Variants in PHF20 observed in about 807,000 individuals in gnomAD.
PHF20 encodes the protein glioma-expressed antigen 2.
Under a neutral mutation model 113.5 loss-of-function variants are expected in PHF20, and 23 were observed. The ratio of observed to expected loss-of-function variants is 0.20; its 90% CI spans 0.15 to 0.29. PHF20 has a LOEUF of 0.29. PHF20 is among the 10% of genes least tolerant of loss of function. PHF20 has a pLI of 1.00. For synonymous variants in PHF20, 434 were observed against 457.3 expected (o/e 0.95, Z 0.65); for missense variants, 943 against 1,219.6 (o/e 0.77, Z 3.38).
intron 4 of PHF20, chr20:35,849,349 A>C (rs1192068098): frequency 6.7e-6 from 3 of 448,662 alleles, no homozygotes; most frequent in Non-Finnish European, 1.4e-5. Flanking sequence ...TACTGTTTAG[A>C]TCTAATACCT....
At chr20:35,783,665 A>C (rs531527819) in intron 1 of PHF20, among the ~76,000 whole-genome samples, 19 of 151,322 alleles carry the variant, frequency 1.3e-4, no homozygotes, top group African/African-American at 4.6e-4. Context: ...GGCTCAAGTG[A>C]TTCTCCTGCC....
Position 35,894,020 on chromosome 20 carries a change from A to G in PHF20, c.1283-5350A>G, listed in dbSNP as rs114121508. 3.1e-3 allele frequency among the ~76,000 whole-genome samples: 475 copies of G among 152,338 alleles called. 2 individuals carry two copies. Among genetic ancestry groups the G allele is most frequent in the African/African-American group, 0.01 (435 of 41,580 alleles). On this transcript the variant is annotated intron_variant, in intron 9 of 17. Transcript: ENST00000374012. Reference sequence around the variant, plus strand: ...ATTGTATAGAGTATTACAAAAGAAAATCTTTAGGTGTCATAGTAAAAGATG... The same window carrying G: ...ATTGTATAGAGTATTACAAAAGAAAGTCTTTAGGTGTCATAGTAAAAGATG...
At chr20:35,806,940 T>C (rs898903935) in intron 2 of PHF20, among the ~76,000 whole-genome samples, 12 of 151,774 alleles carry the variant, frequency 7.9e-5, no homozygotes, top group Non-Finnish European at 1.8e-4. Context: ...GGACTACAGG[T>C]GCCTGCCACC....
chr20:35,849,686 C>G (rs912915353), intron 4 of PHF20, among the ~76,000 whole-genome samples: 2 of 152,176 alleles, frequency 1.3e-5, no homozygotes, highest in African/African-American at 4.8e-5. Flanking sequence ...GTATTTTCTG[C>G]TGTGCCTCAG....
At chr20:35,874,107 G>T (rs1273092506) in intron 9 of PHF20, among the ~76,000 whole-genome samples, 3 of 152,210 alleles carry the variant, frequency 2.0e-5, no homozygotes, top group Non-Finnish European at 1.5e-5. Flanking sequence ...AAGTAGCTGG[G>T]ATTACAGGCA....
chr20:35,812,207 A>G (rs1235254109), intron 2 of PHF20, among the ~76,000 whole-genome samples: 1 of 152,204 alleles, frequency 6.6e-6, no homozygotes, highest in African/African-American at 2.4e-5. Context: ...TATAATATCT[A>G]ATATCCAGAG....
At chr20:35,788,058 G>T (rs1242089370) in intron 1 of PHF20, among the ~76,000 whole-genome samples, 1 of 152,116 alleles carries the variant, frequency 6.6e-6, no homozygotes, top group Non-Finnish European at 1.5e-5. Context: ...GATTACAGGT[G>T]TGAGCTACCT....
At chr20:35,834,061 A>T (rs1198920814) in intron 2 of PHF20, among the ~76,000 whole-genome samples, 1 of 148,372 alleles carries the variant, frequency 6.7e-6, no homozygotes, top group Non-Finnish European at 1.5e-5. Flanking sequence ...CCGTCTCAAA[A>T]ATAAATAAAT....
intron 9 of PHF20, among the ~76,000 whole-genome samples, chr20:35,872,957 TC>T (rs1178448468): frequency 6.6e-6 from 1 of 152,204 alleles, no homozygotes; most frequent in African/African-American, 2.4e-5. Flanking sequence ...GGGGTTTTTT[TC>T]CTTTTGGTCT....
chr20:35,873,175 A>C (rs1002012354), intron 9 of PHF20, among the ~76,000 whole-genome samples: 41 of 149,352 alleles, frequency 2.7e-4, no homozygotes, highest in African/African-American at 9.6e-4. Context: ...ATCTCCACTC[A>C]CTTCAACCTC....
chr20:35,857,922 G>A (rs1177476876), intron 4 of PHF20, among the ~76,000 whole-genome samples: 1 of 152,088 alleles, frequency 6.6e-6, no homozygotes, highest in African/African-American at 2.4e-5. Flanking sequence ...ATCCCGGAAC[G>A]TAAAGATTAA....
chr20:35,797,930 A>G (rs556161816), intron 1 of PHF20, among the ~76,000 whole-genome samples: 249 of 152,198 alleles, frequency 1.6e-3, no homozygotes, highest in African/African-American at 5.9e-3. Context: ...GACTACAGGC[A>G]TGAGCCACTG....
At chr20:35,776,179 A>G (rs560208032) in intron 1 of PHF20, among the ~76,000 whole-genome samples, 2 of 152,370 alleles carry the variant, frequency 1.3e-5, no homozygotes, top group East Asian at 3.9e-4. Flanking sequence ...GAATCATTCT[A>G]ATAAATACTG....
rs1184321392 is a variant in PHF20 at position 35,858,356 on chromosome 20, A to G, written c.395A>G (p.His132Arg). 1.9e-6 allele frequency: 3 copies of G among 1,594,480 alleles called. No homozygotes were observed. Among genetic ancestry groups the G allele is most frequent in the East Asian group, 2.2e-5 (1 of 44,600 alleles). Residue 132 changes from histidine to arginine, a missense_variant, in exon 5 of 18, where the codon CAT (histidine) becomes CGT (arginine). Physicochemically the swap from His to Arg is conservative, Grantham distance 29. Around this residue, in one of 3 missense-constraint regions of PHF20, gnomAD observed 592 missense variants for 787.2 expected, o/e 0.75. Coordinates refer to ENST00000374012, the MANE Select transcript of PHF20 (RefSeq NM_016436.5). ...GTAGTTCAGACTGTCAAACATATTC[A>G]TGTCAAAGCTTTTTCCAAAGATCAG... ...DGVVQTVKHI[H>R]VKAFSKDQNI...
intron 2 of PHF20, among the ~76,000 whole-genome samples, chr20:35,813,261 C>T (rs2042009912): frequency 6.6e-6 from 1 of 152,162 alleles, no homozygotes; most frequent in Non-Finnish European, 1.5e-5. Context: ...CGGTGAGCCA[C>T]CGCGCCCGGC....
chr20:35,907,845 G>GT (rs1436473129), intron 10 of PHF20, among the ~76,000 whole-genome samples: 2 of 152,166 alleles, frequency 1.3e-5, no homozygotes, highest in Admixed American at 1.3e-4. Flanking sequence ...GTATTTCTTT[G>GT]TTTTTTGCCT....
At chr20:35,876,833 G>T (rs933749761) in intron 9 of PHF20, among the ~76,000 whole-genome samples, 1 of 151,800 alleles carries the variant, frequency 6.6e-6, no homozygotes, top group Non-Finnish European at 1.5e-5. Context: ...TTGGCCGGGC[G>T]CAGTGTCTCA....
rs1054525781 is a variant in PHF20, at chr20:35,787,029, T to C, written c.-32-14462T>C. Among the ~76,000 whole-genome samples the C allele has an allele frequency of 2.0e-5, 3 of 150,910 alleles. No homozygotes were observed. The East Asian group carries it at 5.8e-4, about 29-fold the overall frequency. ...TTTGGAGACAGGGTCTCTTGCTCTGTTGCCCAAGCTGGAGTACGGTGGTGC... is the reference window on the plus strand; with the variant it reads ...TTTGGAGACAGGGTCTCTTGCTCTGCTGCCCAAGCTGGAGTACGGTGGTGC... On this transcript the variant is annotated intron_variant, in intron 1 of 17. Coordinates refer to ENST00000374012, the MANE Select transcript of PHF20 (RefSeq NM_016436.5).
intron 2 of PHF20, among the ~76,000 whole-genome samples, chr20:35,810,439 T>C (rs2041956797): frequency 6.6e-6 from 1 of 152,172 alleles, no homozygotes; most frequent in Non-Finnish European, 1.5e-5. Flanking sequence ...CTTTTTGTTA[T>C]ATGCACAAAC....
Sources: allele counts gnomAD v4.1 joint callset (sites outside exome capture counted in the v4.1 genomes callset), GRCh38; gene constraint gnomAD v4.1.1; regional missense constraint gnomAD v4.1.1; transcripts MANE v1.5; gene names NCBI Gene and HGNC (gene_info 2026-07-23, HGNC 2026-07-21).